TTLL5: variants seen among roughly 807,000 people sequenced by gnomAD.
TTLL5 encodes the protein tubulin polyglutamylase TTLL5.
TTLL5 carries 132 observed loss-of-function variants against 168.4 expected under a neutral mutation model. That is an observed-to-expected ratio of 0.78 (90% CI 0.68 to 0.91). The LOEUF (loss-of-function observed/expected upper bound fraction) is 0.91, where lower values mean the gene tolerates loss of function less well. TTLL5 is among the 40% of genes least tolerant of loss of function. The probability of loss-of-function intolerance (pLI) is 0.00; values close to 1 mark genes in which losing one functional copy is unlikely to be tolerated. For missense variants in TTLL5, 1,545 were observed against 1,581.5 expected (o/e 0.98, Z 0.39); for synonymous variants, 546 against 558.6 (o/e 0.98, Z 0.32).
chr14:75,697,731 A>G (rs1034140507), intron 6 of TTLL5, among the ~76,000 whole-genome samples: 2 of 152,184 alleles, frequency 1.3e-5, no homozygotes, highest in South Asian at 2.1e-4. Context: ...TCAGGACTCC[A>G]GTATCTGAAA....
chr14:75,813,031 T>C (rs1405064462), intron 27 of TTLL5, among the ~76,000 whole-genome samples: 1 of 152,204 alleles, frequency 6.6e-6, no homozygotes, highest in Non-Finnish European at 1.5e-5. Flanking sequence ...GGGAGAATTT[T>C]CATCAGGCAG....
intron 21 of TTLL5, among the ~76,000 whole-genome samples, chr14:75,772,385 G>A (rs745428494): frequency 2.6e-5 from 4 of 152,162 alleles, no homozygotes; most frequent in African/African-American, 7.2e-5. Context: ...TCTGTCCTGA[G>A]GAGTCAAATT....
intron 31 of TTLL5, among the ~76,000 whole-genome samples, chr14:75,943,316 C>A (rs772000440): frequency 1.2e-4 from 18 of 152,336 alleles, no homozygotes; most frequent in Admixed American, 3.9e-4. Context: ...CCCTTCTAGA[C>A]TGGGACCCCA....
At position 75,901,454 on chromosome 14, in the gene TTLL5, G is replaced by A. The variant is rs144931060; in HGVS notation, c.3741-688G>A. 9.8e-3 allele frequency among the ~76,000 whole-genome samples: 1,497 copies of A among 152,312 alleles called. 11 individuals are homozygous for A. The highest frequency in any genetic ancestry group is 0.015 in the Admixed American group (224 of 15,292). On this transcript the variant is annotated intron_variant, in intron 30 of 31. Transcript: ENST00000298832. ...CTGCCCAAAGAATCAGATATACTCT[G>A]TCATATCTCTTGTCAAAGTTGGCAT...
intron 1 of TTLL5, 140 bp downstream of exon 1, chr14:75,661,527 CG>C (rs2140069395): frequency 6.6e-6 from 1 of 152,358 alleles, no homozygotes; most frequent in African/African-American, 2.4e-5. Context: ...ATCGCGGCTG[CG>C]GGGTCGTCCC....
At chr14:75,912,056 C>G (rs934120947) in intron 31 of TTLL5, among the ~76,000 whole-genome samples, 1 of 54,598 alleles carries the variant, frequency 1.8e-5, no homozygotes, top group Non-Finnish European at 3.9e-5. Context: ...AACAGCAGCT[C>G]GGGTTAGCCC....
intron 12 of TTLL5, among the ~76,000 whole-genome samples, chr14:75,730,749 T>C (rs556879244): frequency 4.7e-4 from 72 of 152,170 alleles, no homozygotes; most frequent in Non-Finnish European, 7.2e-4. Context: ...TAGGATTCTT[T>C]TTTTTTTTCA....
chr14:75,840,780 T>C (rs773226627), intron 28 of TTLL5, among the ~76,000 whole-genome samples: 7 of 152,230 alleles, frequency 4.6e-5, no homozygotes, highest in Non-Finnish European at 7.3e-5. Context: ...CTTTCAACTT[T>C]CTTGTAACTG....
intron 31 of TTLL5, among the ~76,000 whole-genome samples, chr14:75,936,417 C>T (rs1207914378): frequency 2.6e-5 from 4 of 152,152 alleles, no homozygotes; most frequent in African/African-American, 9.7e-5. Context: ...TTCTTGCTCT[C>T]CCTCCCTCTC....
intron 28 of TTLL5, among the ~76,000 whole-genome samples, chr14:75,821,461 G>A (rs556848559): frequency 1.3e-5 from 2 of 152,202 alleles, no homozygotes; most frequent in East Asian, 3.9e-4. Context: ...TAAATTCAGA[G>A]CCTTGTTTTT....
chr14:75,918,581 G>T (rs2033703359), intron 31 of TTLL5, among the ~76,000 whole-genome samples: 3 of 151,934 alleles, frequency 2.0e-5, no homozygotes, highest in Admixed American at 6.6e-5. Context: ...TGTTTAAAAG[G>T]TCACCGTAAA....
intron 20 of TTLL5, among the ~76,000 whole-genome samples, chr14:75,770,429 C>T (rs2140306583): frequency 1.3e-5 from 2 of 152,282 alleles, no homozygotes; most frequent in South Asian, 4.1e-4. Flanking sequence ...TTAGCCAAAT[C>T]CTACCTCCTA....
intron 28 of TTLL5, among the ~76,000 whole-genome samples, chr14:75,858,839 A>G (rs532556681): frequency 6.6e-6 from 1 of 152,220 alleles, no homozygotes. Flanking sequence ...TCATGGCCTT[A>G]TAGTGTTTCT....
chr14:75,683,586 A>G lies in TTLL5; in HGVS notation c.301A>G (p.Thr101Ala), dbSNP rs1469769763. The change falls in exon 5 of 32, where the codon ACA (threonine) becomes GCA (alanine). Residue 101 changes from threonine (T) to alanine (A), a missense_variant. By Grantham distance (58) the Thr-to-Ala change is moderately conservative. Coordinates refer to ENST00000298832, the MANE Select transcript of TTLL5 (RefSeq NM_015072.5). Reference sequence around the variant, plus strand: ...CAGCACTGACTATAACCTAATGTGGACAGGATCCCACCTGAAGCCCTTCTT... The same window carrying G: ...CAGCACTGACTATAACCTAATGTGGGCAGGATCCCACCTGAAGCCCTTCTT... ...PSSTDYNLMW[T>A]GSHLKPFLLR... 1.2e-6 allele frequency: 2 copies of G among 1,614,012 alleles called. No homozygotes were observed. Among genetic ancestry groups the G allele is most frequent in the Non-Finnish European group, 1.7e-6 (2 of 1,179,940 alleles).
In TTLL5 at chr14:75,811,368, C is replaced by T. The variant is rs568519353; in HGVS notation, c.3172-8639C>T. On this transcript the variant is annotated intron_variant, in intron 27 of 31. Coordinates refer to ENST00000298832, the MANE Select transcript of TTLL5 (RefSeq NM_015072.5). ...CTGTCTGTCCCTATCTTCTATGACG[C>T]GAAGCTTTTGCTGAATTAGACTACT... Among the ~76,000 whole-genome samples, 7 of 152,022 alleles carry T rather than the reference C, an allele frequency of 4.6e-5. No individual in the cohort carries two copies. In the South Asian group the frequency reaches 6.2e-4, roughly 14 times the overall value.
At chr14:75,925,265 C>T (rs1486579980) in intron 31 of TTLL5, among the ~76,000 whole-genome samples, 1 of 150,910 alleles carries the variant, frequency 6.6e-6, no homozygotes, top group East Asian at 2.0e-4. Context: ...GACGGGGTGG[C>T]TGCCGGGCGG....
chr14:75,707,009 A>G lies in TTLL5; in HGVS notation c.586-9A>G. On this transcript the variant is annotated splice_polypyrimidine_tract_variant and intron_variant, in intron 7 of 31. Transcript: ENST00000298832. The stretch of plus-strand genomic sequence containing the variant: ...TTCTATTCTTTCATTCTTTCTCTTT[A>G]CTCAATAGCCAAACCAGATCTCCCT... The G allele has an allele frequency of 1.2e-6, 2 of 1,602,710 alleles. No homozygotes were observed. The highest frequency in any genetic ancestry group is 1.7e-6 in the Non-Finnish European group (2 of 1,171,812).
rs769924591 is a variant in TTLL5, at chr14:75,707,071, C to T, written c.639C>T (p.Asn213=). The T allele has an allele frequency of 3.1e-6, 5 of 1,612,376 alleles. No individual in the cohort carries two copies. ...ENILVSRYIN[N]PLLIDDFKFD... ...TTTTGGTCTCCCGTTACATTAACAA[C>T]CCCCTGCTCATAGATGGTGAGTTGT... Residue 213 remains asparagine, a synonymous_variant, in exon 8 of 32, where the codon AAC becomes AAT. Coordinates refer to ENST00000298832, the MANE Select transcript of TTLL5 (RefSeq NM_015072.5).
At chr14:75,944,006 T>C (rs2034692644) in intron 31 of TTLL5, among the ~76,000 whole-genome samples, 1 of 152,214 alleles carries the variant, frequency 6.6e-6, no homozygotes, top group African/African-American at 2.4e-5. Flanking sequence ...ATCTGGGCAC[T>C]TGTCTTTCGA....
Sources: gnomAD v4.1 joint callset for allele counts (sites outside exome capture counted in the v4.1 genomes callset) on GRCh38, gnomAD v4.1.1 for gene constraint, MANE v1.5 for transcripts, NCBI Gene and HGNC (gene_info 2026-07-23, HGNC 2026-07-21) for gene names.